Variants in SGCD observed in about 807,000 individuals in gnomAD.
SGCD encodes the protein delta-sarcoglycan.
In SGCD, 18 loss-of-function variants were observed where a neutral mutation model predicts 36.6. That is an observed-to-expected ratio of 0.49 (90% CI 0.34 to 0.73). SGCD has a LOEUF of 0.73. Ranked by LOEUF, SGCD falls within the 30% of genes least tolerant of loss-of-function variation. The pLI is 0.01. For synonymous variants in SGCD, 133 were observed against 130.6 expected (o/e 1.02, Z -0.12); for missense variants, 387 against 346.7 (o/e 1.12, Z -0.92).
At chr5:156,453,569 G>A (rs963896370) in intron 3 of SGCD, among the ~76,000 whole-genome samples, 1 of 152,126 alleles carries the variant, frequency 6.6e-6, no homozygotes, top group African/African-American at 2.4e-5. Flanking sequence ...GCTCTCTGAG[G>A]GGACATTTTA....
intron 1 of SGCD, among the ~76,000 whole-genome samples, chr5:155,945,984 G>A (rs1160350103): frequency 2.0e-5 from 3 of 152,174 alleles, no homozygotes; most frequent in Non-Finnish European, 4.4e-5. Flanking sequence ...TGGATGGATC[G>A]GAGAGATATA....
At chr5:155,867,250 T>A (rs1259809509), upstream of SGCD, among the ~76,000 whole-genome samples, 8 of 152,098 alleles carry the variant, frequency 5.3e-5, no homozygotes, top group Admixed American at 5.2e-4. Context: ...CAAGCAGTAA[T>A]GGCTTAAGCC....
chr5:156,741,419 C>T (rs980596940), intron 7 of SGCD, among the ~76,000 whole-genome samples: 5 of 152,130 alleles, frequency 3.3e-5, no homozygotes, highest in South Asian at 2.1e-4. Flanking sequence ...CTTCCAAGTA[C>T]AGCCAGGAAG....
At chr5:156,471,624 C>G (rs1397706983) in intron 3 of SGCD, among the ~76,000 whole-genome samples, 1 of 151,976 alleles carries the variant, frequency 6.6e-6, no homozygotes, top group African/African-American at 2.4e-5. Context: ...CAACCTCTAC[C>G]TTACACTATA....
At chr5:156,044,314 T>A (rs989359215) in intron 1 of SGCD, among the ~76,000 whole-genome samples, 16 of 152,198 alleles carry the variant, frequency 1.1e-4, no homozygotes, top group Non-Finnish European at 2.9e-5. Context: ...ATTTCTGTTT[T>A]GGCCCTACAT....
intron 1 of SGCD, among the ~76,000 whole-genome samples, chr5:156,074,935 C>T (rs960774546): frequency 2.6e-5 from 4 of 152,152 alleles, no homozygotes; most frequent in Non-Finnish European, 4.4e-5. Flanking sequence ...CATGTGCACC[C>T]AGCTTCTAAC....
intron 3 of SGCD, among the ~76,000 whole-genome samples, chr5:156,354,695 G>A (rs1486578768): frequency 6.6e-6 from 1 of 152,210 alleles, no homozygotes; most frequent in Non-Finnish European, 1.5e-5. Context: ...TCATGTTGCT[G>A]TGAGCTCTGA....
intron 6 of SGCD, among the ~76,000 whole-genome samples, chr5:156,602,877 G>T (rs139141482): frequency 6.6e-6 from 1 of 152,020 alleles, no homozygotes; most frequent in African/African-American, 2.4e-5. Flanking sequence ...ATCTATGTTC[G>T]TCAGAGGTAT....
chr5:155,737,918 G>GTAA, the SGCD span, among the ~76,000 whole-genome samples: 1 of 152,118 alleles, frequency 6.6e-6, no homozygotes, highest in South Asian at 2.1e-4. Flanking sequence ...ATGGGACAGT[G>GTAA]GGGGAGCTGG....
At chr5:156,681,946 C>T (rs1369914586) in intron 7 of SGCD, among the ~76,000 whole-genome samples, 1 of 152,192 alleles carries the variant, frequency 6.6e-6, no homozygotes, top group Admixed American at 6.5e-5. Flanking sequence ...AAAATATAAT[C>T]TCAGCAGGCG....
chr5:155,752,746 A>G, the SGCD span, among the ~76,000 whole-genome samples: 1 of 152,232 alleles, frequency 6.6e-6, no homozygotes, highest in Non-Finnish European at 1.5e-5. Flanking sequence ...AACACCTAGT[A>G]GATGACCCTC....
At chr5:156,630,342 T>TGGATGGAC (rs1378487481) in intron 6 of SGCD, among the ~76,000 whole-genome samples, 10 of 152,308 alleles carry the variant, frequency 6.6e-5, no homozygotes, top group Admixed American at 6.5e-4. Context: ...GATGGATGAA[T>TGGATGGAC]GGATGGACAG....
At chr5:156,446,229 A>G (rs1463051105) in intron 3 of SGCD, among the ~76,000 whole-genome samples, 3 of 152,218 alleles carry the variant, frequency 2.0e-5, no homozygotes, top group Admixed American at 2.0e-4. Context: ...GGTGCTGGGC[A>G]GCAAAGATAA....
At chr5:155,991,860 C>T (rs1487231250) in intron 1 of SGCD, among the ~76,000 whole-genome samples, 2 of 152,064 alleles carry the variant, frequency 1.3e-5, no homozygotes, top group Admixed American at 6.6e-5. Context: ...GTAGAATTAC[C>T]CTCTCAAAAG....
intron 1 of SGCD, among the ~76,000 whole-genome samples, chr5:156,048,049 A>G (rs1414610366): frequency 6.6e-6 from 1 of 151,834 alleles, no homozygotes; most frequent in Non-Finnish European, 1.5e-5. Flanking sequence ...TTCAATTCCT[A>G]CCTATGAGTG....
intron 3 of SGCD, among the ~76,000 whole-genome samples, chr5:156,152,432 C>T (rs1464494231): frequency 6.6e-6 from 1 of 151,512 alleles, no homozygotes; most frequent in Non-Finnish European, 1.5e-5. Context: ...AGTACAGTAG[C>T]CACTGGCCAT....
At chr5:155,856,606 A>G in the SGCD span, among the ~76,000 whole-genome samples, 1 of 152,144 alleles carries the variant, frequency 6.6e-6, no homozygotes, top group Non-Finnish European at 1.5e-5. Context: ...CAGATCCGAT[A>G]AAGGATCTGT....
intron 7 of SGCD, among the ~76,000 whole-genome samples, chr5:156,663,813 G>A (rs1436085122): frequency 7.2e-6 from 1 of 138,650 alleles, no homozygotes; most frequent in Non-Finnish European, 1.5e-5. Flanking sequence ...GACAATTGTT[G>A]TATTGTGGTA....
chr5:156,710,505 C>T (rs938674851), intron 7 of SGCD, among the ~76,000 whole-genome samples: 3 of 152,292 alleles, frequency 2.0e-5, no homozygotes, highest in South Asian at 2.1e-4. Flanking sequence ...CCTGAGAACA[C>T]GTGCCCAAGG....
Sources: allele counts gnomAD v4.1 joint callset (sites outside exome capture counted in the v4.1 genomes callset), GRCh38; gene constraint gnomAD v4.1.1; transcripts MANE v1.5; gene names NCBI Gene and HGNC (gene_info 2026-07-23, HGNC 2026-07-21).